Variants in CHRDL1 observed in about 807,000 individuals in gnomAD.
CHRDL1 encodes chordin like 1.
CHRDL1 carries 19 observed loss-of-function variants against 40.9 expected under a neutral mutation model. The ratio of observed to expected loss-of-function variants is 0.46; its 90% CI spans 0.32 to 0.68. The LOEUF is 0.68. Ranked by LOEUF, CHRDL1 falls within the 30% of genes least tolerant of loss-of-function variation. The pLI is 0.03. For synonymous variants in CHRDL1, 136 were observed against 123.4 expected, an observed-to-expected ratio of 1.10 and a Z score of -0.68; for missense variants, 329 against 352.1, an observed-to-expected ratio of 0.93 and a Z score of 0.53.
intron 4 of CHRDL1, among the ~76,000 whole-genome samples, chrX:110,741,442 T>C (rs1337895867): frequency 9.0e-6 from 1 of 110,853 alleles, no homozygotes; most frequent in Non-Finnish European, 1.9e-5. Context: ...GCAAGTCAGA[T>C]TCTTAGGCTA....
rs745903501 is a variant in CHRDL1 at position 110,759,721 on chromosome X, G to T, written c.241C>A (p.Pro81Thr). Residue 81 changes from proline to threonine, a missense_variant, in exon 4 of 12, where the codon CCA becomes ACA. Physicochemically the swap from Pro to Thr is conservative, Grantham distance 38. Transcript: ENST00000372042. ...ACAGGAGAAAGGCAATGAACATTTG[G>T]ACATCTGACTCGGCTGCAAAGCACA... ...GNVLCSRVRCPNVHCLSPVHI... is the reference protein window; with the variant it reads ...GNVLCSRVRCTNVHCLSPVHI... 8.3e-7 allele frequency: 1 copy of T among 1,203,015 alleles called. No homozygotes were observed. Among genetic ancestry groups the T allele is most frequent in the Admixed American group, 2.2e-5 (1 of 45,968 alleles).
chrX:110,738,979 C>T (rs1353257454), intron 4 of CHRDL1, among the ~76,000 whole-genome samples: 2 of 111,563 alleles, frequency 1.8e-5, no homozygotes, highest in Admixed American at 9.5e-5. Flanking sequence ...ATCTATTTCA[C>T]GTTCCTGCCC....
intron 2 of CHRDL1, among the ~76,000 whole-genome samples, chrX:110,784,341 G>A (rs2089985626): frequency 8.9e-6 from 1 of 112,178 alleles, no homozygotes; most frequent in South Asian, 3.7e-4. Flanking sequence ...TCCTGTGTAT[G>A]CAGCTTTTTC....
chrX:110,737,088 C>T lies in CHRDL1; in HGVS notation c.302-15558G>A, dbSNP rs184954778. ...CTGTAATGGCTTTTCCGAAGTTATC[C>T]CCACTATTTCCTCTGGAAAGGAAAC... On this transcript the variant is annotated intron_variant, in intron 4 of 11. Coordinates refer to ENST00000372042, the MANE Select transcript of CHRDL1 (RefSeq NM_001143981.2). 8.9e-4 allele frequency among the ~76,000 whole-genome samples: 100 copies of T among 111,776 alleles called. No individual in the cohort carries two copies. The East Asian group carries it at 0.019, about 21-fold the overall frequency.
chrX:110,752,376 T>C (rs749855300), intron 4 of CHRDL1, among the ~76,000 whole-genome samples: 3 of 112,367 alleles, frequency 2.7e-5, no homozygotes, highest in Non-Finnish European at 5.6e-5. Flanking sequence ...CAAATGCTAC[T>C]TTCTTGAAGA....
chrX:110,767,170 C>T (rs1326128663), intron 2 of CHRDL1, among the ~76,000 whole-genome samples: 2 of 111,559 alleles, frequency 1.8e-5, no homozygotes, highest in Non-Finnish European at 3.8e-5. Context: ...TCAGCAAAAT[C>T]GGCATACAAA....
At chrX:110,694,360 C>T in intron 7 of CHRDL1, 29 bp from the exon 8 acceptor site, 2 of 1,102,523 alleles carry the variant, frequency 1.8e-6, no homozygotes, top group African/African-American at 3.6e-5. Context: ...AAATTTAGTC[C>T]AAAAGCCACC....
At chrX:110,765,209 G>A (rs1369197218) in intron 2 of CHRDL1, among the ~76,000 whole-genome samples, 2 of 111,305 alleles carry the variant, frequency 1.8e-5, no homozygotes, top group African/African-American at 6.5e-5. Flanking sequence ...AAAACTTGCT[G>A]GTTTTGTGGC....
intron 10 of CHRDL1, 114 bp from the exon 11 acceptor site, chrX:110,679,539 C>G: frequency 1.9e-6 from 1 of 521,376 alleles, no homozygotes; most frequent in Non-Finnish European, 3.4e-6. Context: ...TTAAGAGTAT[C>G]GAGTTGGGCT....
intron 2 of CHRDL1, among the ~76,000 whole-genome samples, chrX:110,782,981 A>C (rs1416878501): frequency 8.9e-6 from 1 of 112,262 alleles, no homozygotes; most frequent in African/African-American, 3.2e-5. Flanking sequence ...TATGACCCAG[A>C]CAGAAACCTA....
chrX:110,698,200 C>A (rs1415255579), intron 7 of CHRDL1, among the ~76,000 whole-genome samples: 2 of 111,246 alleles, frequency 1.8e-5, no homozygotes, highest in Non-Finnish European at 3.8e-5. Context: ...GTTGGGCCTG[C>A]AAAGGATATT....
intron 9 of CHRDL1, among the ~76,000 whole-genome samples, chrX:110,684,136 T>C (rs1184796837): frequency 1.8e-5 from 2 of 111,715 alleles, no homozygotes; most frequent in Non-Finnish European, 3.8e-5. Context: ...TACCCAACCC[T>C]GTAGGTGGCC....
At chrX:110,762,565 G>A in intron 3 of CHRDL1, 130 bp downstream of exon 3, 1 of 443,650 alleles carries the variant, frequency 2.3e-6, no homozygotes, top group Non-Finnish European at 3.9e-6. Flanking sequence ...GCGTGAGACA[G>A]TGCGATCGGT....
At chrX:110,727,371 T>C (rs2071077608) in intron 4 of CHRDL1, among the ~76,000 whole-genome samples, 1 of 112,567 alleles carries the variant, frequency 8.9e-6, no homozygotes, top group Admixed American at 9.4e-5. Flanking sequence ...ACTTTGTTAG[T>C]GAAATGTGTT....
At chrX:110,686,832 C>T (rs962236866) in intron 9 of CHRDL1, among the ~76,000 whole-genome samples, 5 of 99,512 alleles carry the variant, frequency 5.0e-5, no homozygotes, top group Non-Finnish European at 9.9e-5. Flanking sequence ...TGCAGTGAGC[C>T]GAGATCATGC....
intron 7 of CHRDL1, among the ~76,000 whole-genome samples, chrX:110,700,104 G>C (rs148983150): frequency 2.1e-3 from 241 of 112,170 alleles, no homozygotes; most frequent in Middle Eastern, 0.014. Flanking sequence ...TACTTACATA[G>C]ACAGATGCCT....
rs754440319 is a variant in CHRDL1 at position 110,782,161 on chromosome X, AAAC to A, written c.94+9924_94+9926del. The stretch of plus-strand genomic sequence containing the variant: ...ATGAGAACGGTGATAACAATAACAA[AAAC>A]AACAAGTTATATTTGTTGAGCATTT... On this transcript the variant is annotated intron_variant, in intron 2 of 11. Coordinates refer to ENST00000372042, the MANE Select transcript of CHRDL1 (RefSeq NM_001143981.2). Among the ~76,000 whole-genome samples, 20 of 112,202 alleles carry A rather than the reference AAAC, an allele frequency of 1.8e-4. No individual in the cohort carries two copies. The South Asian group carries it at 6.0e-3, about 34-fold the overall frequency.
chrX:110,739,808 C>T (rs1433162496), intron 4 of CHRDL1, among the ~76,000 whole-genome samples: 2 of 112,908 alleles, frequency 1.8e-5, no homozygotes, highest in African/African-American at 6.4e-5. Context: ...CCATATTCCT[C>T]TTCCCTCTTG....
chrX:110,741,702 C>T (rs140520647), intron 4 of CHRDL1, among the ~76,000 whole-genome samples: 3 of 111,856 alleles, frequency 2.7e-5, no homozygotes, highest in Non-Finnish European at 5.6e-5. Context: ...AAGACTTTCT[C>T]CAGTGTCCTT....
Sources: gnomAD v4.1 joint callset for allele counts (sites outside exome capture counted in the v4.1 genomes callset) on GRCh38, gnomAD v4.1.1 for gene constraint, MANE v1.5 for transcripts, NCBI Gene and HGNC (gene_info 2026-07-23, HGNC 2026-07-21) for gene names.